Variants in CLDN10 observed in about 807,000 individuals in gnomAD.
The protein encoded by CLDN10 is claudin 10.
CLDN10 carries 15 observed loss-of-function variants against 22.9 expected under a neutral mutation model. The observed-to-expected ratio is 0.65, with a 90% CI of 0.44 to 1.01. The LOEUF (loss-of-function observed/expected upper bound fraction) is 1.01, where lower values mean the gene tolerates loss of function less well. Ranked by LOEUF, CLDN10 falls within the 50% of genes least tolerant of loss-of-function variation. CLDN10 has a pLI of 0.00. For synonymous variants in CLDN10, 114 were observed against 111.4 expected (o/e 1.02, Z -0.15); for missense variants, 247 against 287.8 (o/e 0.86, Z 1.03).
intron 1 of CLDN10, among the ~76,000 whole-genome samples, chr13:95,502,092 T>C (rs1054823571): frequency 6.6e-6 from 1 of 152,184 alleles, no homozygotes; most frequent in African/African-American, 2.4e-5. Context: ...CCCAATCCTT[T>C]AAGCTATAGT....
intron 1 of CLDN10, among the ~76,000 whole-genome samples, chr13:95,518,787 A>C (rs1434644802): frequency 6.6e-6 from 1 of 152,122 alleles, no homozygotes; most frequent in Non-Finnish European, 1.5e-5. Context: ...ATATAAAAGA[A>C]GTCTAATTTT....
At chr13:95,575,889 C>A (rs1182041951) in intron 3 of CLDN10, among the ~76,000 whole-genome samples, 1 of 152,216 alleles carries the variant, frequency 6.6e-6, no homozygotes, top group Non-Finnish European at 1.5e-5. Flanking sequence ...TGTCCCTGAT[C>A]AATGTGATAT....
intron 3 of CLDN10, among the ~76,000 whole-genome samples, chr13:95,568,766 A>C (rs541015094): frequency 6.6e-6 from 1 of 152,282 alleles, no homozygotes; most frequent in African/African-American, 2.4e-5. Flanking sequence ...GTAAATCTGC[A>C]GTGGTGTAGG....
chr13:95,463,705 A>T (rs148387508), intron 1 of CLDN10, among the ~76,000 whole-genome samples: 16 of 152,252 alleles, frequency 1.1e-4, no homozygotes, highest in African/African-American at 3.9e-4. Context: ...TACAGCAGTC[A>T]GTCAGAACTG....
At chr13:95,482,934 G>A (rs1178097705) in intron 1 of CLDN10, among the ~76,000 whole-genome samples, 1 of 152,194 alleles carries the variant, frequency 6.6e-6, no homozygotes, top group Non-Finnish European at 1.5e-5. Flanking sequence ...AGCCAAGATC[G>A]TGCCACTGTA....
chr13:95,565,849 C>T (rs2043779986), intron 3 of CLDN10, among the ~76,000 whole-genome samples: 1 of 132,978 alleles, frequency 7.5e-6, no homozygotes, highest in Non-Finnish European at 1.5e-5. Flanking sequence ...TTGTTCAGTT[C>T]CCACCTATGA....
At chr13:95,571,940 C>A (rs2043867327) in intron 3 of CLDN10, among the ~76,000 whole-genome samples, 1 of 152,118 alleles carries the variant, frequency 6.6e-6, no homozygotes, top group Admixed American at 6.5e-5. Flanking sequence ...GAAAAAGACA[C>A]AATATTGAAG....
intron 1 of CLDN10, among the ~76,000 whole-genome samples, chr13:95,500,707 G>A (rs181092022): frequency 1.3e-5 from 2 of 152,316 alleles, no homozygotes; most frequent in South Asian, 2.1e-4. Context: ...TGACAAAGTT[G>A]GAGAGGTGGG....
Position 95,578,049 on chromosome 13 carries a change from T to C in CLDN10, c.*35T>C. The C allele has an allele frequency of 7.8e-7, 1 of 1,281,838 alleles. No homozygotes were observed. The highest frequency in any genetic ancestry group is 1.1e-6 in the Non-Finnish European group (1 of 888,344). The allele number at this position is 1,281,838 out of a possible 1,614,324, so 79.4% of individuals were successfully genotyped here. On this transcript the variant is annotated 3_prime_UTR_variant, in exon 5 of 5. Coordinates refer to ENST00000299339, the MANE Select transcript of CLDN10 (RefSeq NM_006984.5). ...CTGGCAAGCTGCCTCTTGAGTTTGTTATAAAAGCGAACTGTTCACAAAATG... is the reference window on the plus strand; with the variant it reads ...CTGGCAAGCTGCCTCTTGAGTTTGTCATAAAAGCGAACTGTTCACAAAATG...
chr13:95,537,287 G>A (rs1418450880), intron 1 of CLDN10, among the ~76,000 whole-genome samples: 2 of 152,058 alleles, frequency 1.3e-5, no homozygotes, highest in Non-Finnish European at 2.9e-5. Flanking sequence ...GTTTTGGGGG[G>A]GTTGTTGGTT....
chr13:95,484,531 G>T (rs533229878), intron 1 of CLDN10, among the ~76,000 whole-genome samples: 1 of 152,014 alleles, frequency 6.6e-6, no homozygotes, highest in Non-Finnish European at 1.5e-5. Context: ...AGTTATGCAG[G>T]AAATGTAAGT....
At chr13:95,460,953 A>T (rs994860891) in intron 1 of CLDN10, among the ~76,000 whole-genome samples, 8 of 152,102 alleles carry the variant, frequency 5.3e-5, no homozygotes, top group Admixed American at 3.3e-4. Context: ...TACTAAAAAT[A>T]CAAAAAAGTT....
intron 1 of CLDN10, among the ~76,000 whole-genome samples, chr13:95,506,832 G>C (rs2043043646): frequency 6.6e-6 from 1 of 152,186 alleles, no homozygotes. Flanking sequence ...ACTCCTAAAA[G>C]TGACCTACCT....
chr13:95,464,416 A>G (rs979511249), intron 1 of CLDN10, among the ~76,000 whole-genome samples: 5 of 152,156 alleles, frequency 3.3e-5, no homozygotes, highest in African/African-American at 1.2e-4. Context: ...CCATGTCCCT[A>G]AAAAGGACAT....
intron 1 of CLDN10, among the ~76,000 whole-genome samples, chr13:95,503,142 A>G (rs567417993): frequency 6.6e-6 from 1 of 152,298 alleles, no homozygotes; most frequent in East Asian, 1.9e-4. Flanking sequence ...ATATTTGCCC[A>G]TTGGAGATAT....
chr13:95,453,091 T>G (rs1303088538), intron 1 of CLDN10, among the ~76,000 whole-genome samples: 1 of 152,220 alleles, frequency 6.6e-6, no homozygotes, highest in Non-Finnish European at 1.5e-5. Context: ...GTTTTGTTTT[T>G]AAGTTTTATT....
rs1015447340 is a variant in CLDN10, at chr13:95,484,593, A to G, written c.214+50546A>G. ...TGTGGTGGCTCACGCCTGTAATCCC[A>G]GCACATTGGGAGGCCAAGGTGGGCA... On this transcript the variant is annotated intron_variant, in intron 1 of 4. Transcript: ENST00000376873. Among the ~76,000 whole-genome samples, 4 of 152,098 alleles carry G rather than the reference A, an allele frequency of 2.6e-5. No homozygotes were observed. In the East Asian group the frequency reaches 5.8e-4, roughly 22 times the overall value.
At chr13:95,516,631 T>A (rs978426828) in intron 1 of CLDN10, among the ~76,000 whole-genome samples, 2 of 152,162 alleles carry the variant, frequency 1.3e-5, no homozygotes, top group African/African-American at 4.8e-5. Context: ...AGACCTATTA[T>A]TAGGCAAACA....
chr13:95,572,137 G>A (rs1046424952), intron 3 of CLDN10, among the ~76,000 whole-genome samples: 2 of 151,966 alleles, frequency 1.3e-5, no homozygotes, highest in South Asian at 2.1e-4. Context: ...ACCTCTTTTT[G>A]TGCCGGAAGA....
Sources: gnomAD v4.1 joint callset for allele counts (sites outside exome capture counted in the v4.1 genomes callset) on GRCh38, gnomAD v4.1.1 for gene constraint, MANE v1.5 for transcripts, NCBI Gene and HGNC (gene_info 2026-07-23, HGNC 2026-07-21) for gene names.